The following KPNA7 variants were observed in gnomAD, a reference collection of about 807,000 sequenced individuals.
KPNA7 encodes the protein karyopherin subunit alpha 7, also known as importin subunit alpha-8.
Under a neutral mutation model 53.7 loss-of-function variants are expected in KPNA7, and 54 were observed. The ratio of observed to expected loss-of-function variants is 1.01; its 90% CI spans 0.81 to 1.26. KPNA7 has a LOEUF of 1.26. Among genes scored for constraint, KPNA7 ranks in the 50% most tolerant of loss-of-function variants. The pLI, the probability that KPNA7 is intolerant of heterozygous loss-of-function variation, is 0.00. For synonymous variants in KPNA7, 276 were observed against 259.3 expected (o/e 1.06, Z -0.62); for missense variants, 640 against 644.5 (o/e 0.99, Z 0.07).
chr7:99,189,401 C>T (rs1584285819), intron 6 of KPNA7, among the ~76,000 whole-genome samples: 2 of 151,698 alleles, frequency 1.3e-5, no homozygotes, highest in South Asian at 4.2e-4. Context: ...TGATGACAGG[C>T]CTGAGTCACC....
intron 6 of KPNA7, among the ~76,000 whole-genome samples, chr7:99,190,035 CTT>C (rs1789852427): frequency 6.6e-6 from 1 of 151,926 alleles, no homozygotes. Context: ...GTAGTCAGCC[CTT>C]TCTTTTTGAA....
In KPNA7 at chr7:99,176,951, A is replaced by AC. The variant is rs1798928869; in HGVS notation, c.1464+968dup. On this transcript the variant is annotated intron_variant, in intron 10 of 10. Transcript: ENST00000327442. ...CACCCATGTTCATAGCAGTGTATTC[A>AC]CCATAGCAAAATGGTAGAAGAAACT... 2.0e-5 allele frequency among the ~76,000 whole-genome samples: 3 copies of AC among 152,294 alleles called. No homozygotes were observed. In the South Asian group the frequency reaches 6.2e-4, roughly 32 times the overall value.
rs1246004580 is a variant in KPNA7 at position 99,213,430 on chromosome 7, T to A, written c.-23-5941A>T. The stretch of plus-strand genomic sequence containing the variant: ...GTGTGAGCCACTGCACCTGGCCTTT[T>A]AAAAAAAAAAAAAAAAAAAAAAAAA... On this transcript the variant is annotated intron_variant, in intron 1 of 10. Coordinates refer to the KPNA7 transcript ENST00000681060. Among the ~76,000 whole-genome samples the A allele has an allele frequency of 5.6e-4, 41 of 72,908 alleles. 1 individual carries two copies. The highest frequency in any genetic ancestry group is 2.6e-3 in the South Asian group (3 of 1,140). The allele number at this position is 72,908 out of a possible 152,430, so 47.8% of individuals were successfully genotyped here. A position where few individuals can be genotyped will look rare whatever the true frequency, so the allele number is the denominator to read the frequency against.
chr7:99,174,414 T>C (rs926923093), intron 10 of KPNA7, among the ~76,000 whole-genome samples: 5 of 152,296 alleles, frequency 3.3e-5, no homozygotes, highest in Admixed American at 1.3e-4. Context: ...GCACAATAAA[T>C]GTAATGCTCT....
chr7:99,187,346 G>A (rs1022629302), intron 7 of KPNA7, among the ~76,000 whole-genome samples: 10 of 151,990 alleles, frequency 6.6e-5, no homozygotes, highest in Admixed American at 2.6e-4. Flanking sequence ...CTTGCTTTCT[G>A]CCTATATCTG....
intron 2 of KPNA7, among the ~76,000 whole-genome samples, chr7:99,205,284 G>A (rs1421423353): frequency 1.4e-5 from 2 of 147,834 alleles, no homozygotes; most frequent in African/African-American, 5.0e-5. Flanking sequence ...AAAATTAGCC[G>A]GGCATGGTGG....
At chr7:99,181,331 C>T (rs1307808419) in intron 9 of KPNA7, among the ~76,000 whole-genome samples, 1 of 152,180 alleles carries the variant, frequency 6.6e-6, no homozygotes, top group Non-Finnish European at 1.5e-5. Flanking sequence ...TAACTCCCTA[C>T]CTGATGTGTC....
At chr7:99,163,378 T>TG in the KPNA7 span, among the ~76,000 whole-genome samples, 1 of 70,376 alleles carries the variant, frequency 1.4e-5, no homozygotes, top group Admixed American at 1.8e-4. Flanking sequence ...TATATATATA[T>TG]ATATATTTTT....
At chr7:99,209,703 AAAAAAAAG>A (rs1415917142), upstream of KPNA7, among the ~76,000 whole-genome samples, 20 of 147,438 alleles carry the variant, frequency 1.4e-4, no homozygotes, top group African/African-American at 4.2e-4. Context: ...AAAAAAAAAA[AAAAAAAAG>A]AAAAAAATCT....
chr7:99,177,787 G>A (rs971510094), intron 10 of KPNA7, 133 bp downstream of exon 10: 10 of 798,058 alleles, frequency 1.3e-5, no homozygotes, highest in Admixed American at 2.8e-5. Flanking sequence ...AACTTCAGAG[G>A]ATGTGGCAGG....
chr7:99,183,121 A>C (rs988073583), intron 8 of KPNA7, among the ~76,000 whole-genome samples: 1 of 152,062 alleles, frequency 6.6e-6, no homozygotes, highest in Non-Finnish European at 1.5e-5. Context: ...CCGGGTGTGG[A>C]GGCGTGTGCC....
chr7:99,202,043 G>C (rs1327951454), intron 3 of KPNA7, among the ~76,000 whole-genome samples: 1 of 152,028 alleles, frequency 6.6e-6, no homozygotes, highest in Non-Finnish European at 1.5e-5. Flanking sequence ...CCTTGGATGG[G>C]GGGATTCTAG....
chr7:99,191,865 G>T (rs1264599644), intron 6 of KPNA7, among the ~76,000 whole-genome samples: 1 of 152,098 alleles, frequency 6.6e-6, no homozygotes, highest in Non-Finnish European at 1.5e-5. Context: ...AGTCAGGCTG[G>T]TCTCAAACTC....
intron 6 of KPNA7, among the ~76,000 whole-genome samples, chr7:99,190,541 T>C (rs1240002078): frequency 6.6e-6 from 1 of 152,148 alleles, no homozygotes; most frequent in Non-Finnish European, 1.5e-5. Flanking sequence ...TGAAAACTTT[T>C]TCGGTAAAGG....
chr7:99,187,604 A>T (rs904059635), intron 7 of KPNA7, among the ~76,000 whole-genome samples: 5 of 139,864 alleles, frequency 3.6e-5, no homozygotes, highest in Non-Finnish European at 7.6e-5. Flanking sequence ...CCCAGGCTGG[A>T]GAGCAGTGGC....
the KPNA7 span, among the ~76,000 whole-genome samples, chr7:99,158,327 A>C: frequency 6.6e-6 from 1 of 151,938 alleles, no homozygotes; most frequent in Non-Finnish European, 1.5e-5. Context: ...ATTATCTGAT[A>C]ATTTTCTTTC....
At chr7:99,189,625 TTTTG>T (rs993693574) in intron 6 of KPNA7, among the ~76,000 whole-genome samples, 10 of 152,204 alleles carry the variant, frequency 6.6e-5, no homozygotes, top group East Asian at 3.9e-4. Flanking sequence ...TGTTGGGGTT[TTTTG>T]TTTGTTTGTT....
intron 7 of KPNA7, among the ~76,000 whole-genome samples, chr7:99,187,429 A>T (rs1407632437): frequency 6.6e-6 from 1 of 151,716 alleles, no homozygotes; most frequent in African/African-American, 2.4e-5. Flanking sequence ...TCTCACTGTC[A>T]CTCTGGCTGG....
At chr7:99,171,329 A>G (rs1295065777), downstream of KPNA7, among the ~76,000 whole-genome samples, 1 of 152,268 alleles carries the variant, frequency 6.6e-6, no homozygotes, top group Admixed American at 6.5e-5. Flanking sequence ...AGTGGGTCTC[A>G]GTGGCTCACG....
Sources: allele counts gnomAD v4.1 joint callset (sites outside exome capture counted in the v4.1 genomes callset), GRCh38; gene constraint gnomAD v4.1.1; transcripts MANE v1.5; gene names NCBI Gene and HGNC (gene_info 2026-07-23, HGNC 2026-07-21).